PARD3B: variants seen among roughly 807,000 people sequenced by gnomAD.
PARD3B encodes the protein par-3 family cell polarity regulator beta, also known as partitioning defective 3 homolog B.
In PARD3B, 103 loss-of-function variants were observed where a neutral mutation model predicts 130.2. That is an observed-to-expected ratio of 0.79 (90% CI 0.67 to 0.93). The LOEUF is 0.93. Among genes scored for constraint, PARD3B ranks in the 40% least tolerant of loss-of-function variants. The pLI is 0.00. For synonymous variants in PARD3B, 583 were observed against 553.2 expected (o/e 1.05, Z -0.76); for missense variants, 1,609 against 1,499.2 (o/e 1.07, Z -1.21).
At chr2:204,700,871 A>G (rs545215795) in intron 2 of PARD3B, among the ~76,000 whole-genome samples, 1 of 152,170 alleles carries the variant, frequency 6.6e-6, no homozygotes, top group South Asian at 2.1e-4. Flanking sequence ...TAAACTGTTA[A>G]CTGTTAAACC....
chr2:205,061,452 G>T (rs993061283), intron 4 of PARD3B, among the ~76,000 whole-genome samples: 16 of 152,164 alleles, frequency 1.1e-4, no homozygotes, highest in African/African-American at 3.9e-4. Flanking sequence ...ATAAAGTAAT[G>T]ATAATAAAAG....
rs2044626855 is a variant in PARD3B, at chr2:205,366,805, A to AAG, written c.2631-34208_2631-34207insAG. 6.6e-6 allele frequency among the ~76,000 whole-genome samples: 1 copy of AAG among 152,230 alleles called. No homozygotes were observed. The highest frequency in any genetic ancestry group is 1.5e-5 in the Non-Finnish European group (1 of 68,034). On this transcript the variant is annotated intron_variant, in intron 18 of 22. Transcript: ENST00000406610. The surrounding 1 kb of genome is among the most constrained non-coding windows in gnomAD (Gnocchi z 5.0). ...CCTGGGGGCATTTTAGGTGGCCTCC[A>AAG]GGCCATGTGCCTTCCCACTAATAAC...
At chr2:205,284,148 G>C (rs767978417) in intron 16 of PARD3B, among the ~76,000 whole-genome samples, 4 of 152,072 alleles carry the variant, frequency 2.6e-5, no homozygotes, top group Non-Finnish European at 4.4e-5. Flanking sequence ...GCGAACAAAG[G>C]GGAAAAAAAT....
chr2:204,894,593 C>A (rs1184798679), intron 2 of PARD3B, among the ~76,000 whole-genome samples: 1 of 151,844 alleles, frequency 6.6e-6, no homozygotes, highest in East Asian at 1.9e-4. Flanking sequence ...TTGCAAATTT[C>A]TAGTAAGTTA....
At chr2:205,294,440 C>A (rs1371712348) in intron 16 of PARD3B, among the ~76,000 whole-genome samples, 1 of 151,998 alleles carries the variant, frequency 6.6e-6, no homozygotes, top group Non-Finnish European at 1.5e-5. Flanking sequence ...GAAACCTAAA[C>A]AAGACATAAA....
rs74455231 is a variant in PARD3B, at chr2:205,404,782, G to A, written c.2741+3659G>A. Among the ~76,000 whole-genome samples the A allele has an allele frequency of 6.6e-3, 1,011 of 152,216 alleles. 10 individuals carry two copies. The highest frequency in any genetic ancestry group is 0.024 in the African/African-American group (985 of 41,520). On this transcript the variant is annotated intron_variant, in intron 19 of 22. Transcript: ENST00000406610. The stretch of plus-strand genomic sequence containing the variant: ...CTCCTGCCTCAGCCTCCCAAGTGCT[G>A]GGTTTACAGGCAGGAGCCACCATGC...
intron 2 of PARD3B, among the ~76,000 whole-genome samples, chr2:204,957,879 C>T (rs896665503): frequency 5.3e-5 from 8 of 152,004 alleles, no homozygotes; most frequent in South Asian, 2.1e-4. Flanking sequence ...TTGAGACAAA[C>T]GATTCCAATT....
intron 4 of PARD3B, among the ~76,000 whole-genome samples, chr2:205,084,797 C>CTA (rs1205688848): frequency 6.6e-6 from 1 of 151,732 alleles, no homozygotes; most frequent in Non-Finnish European, 1.5e-5. Context: ...TCTTTAGTGT[C>CTA]TATTCAGGTT....
At chr2:204,855,058 A>G (rs1474709789) in intron 2 of PARD3B, among the ~76,000 whole-genome samples, 3 of 152,106 alleles carry the variant, frequency 2.0e-5, no homozygotes, top group Non-Finnish European at 2.9e-5. Context: ...ACATTTACAT[A>G]GCGTGCAAGG....
At chr2:205,098,325 T>C (rs1702529055) in intron 4 of PARD3B, among the ~76,000 whole-genome samples, 1 of 152,174 alleles carries the variant, frequency 6.6e-6, no homozygotes, top group Admixed American at 6.6e-5. Context: ...TTAAATTTTA[T>C]GGGCAAGTGG....
chr2:205,385,592 T>C (rs181357884), intron 18 of PARD3B, among the ~76,000 whole-genome samples: 2 of 152,248 alleles, frequency 1.3e-5, no homozygotes, highest in African/African-American at 4.8e-5. Context: ...ATCTACCAAG[T>C]GCTACCCAAT....
chr2:204,628,556 G>T (rs1375157737), intron 1 of PARD3B, among the ~76,000 whole-genome samples: 2 of 152,046 alleles, frequency 1.3e-5, no homozygotes, highest in Non-Finnish European at 2.9e-5. Context: ...TGATCAGTTA[G>T]CAATGACACA....
rs549238338 is a variant in PARD3B at position 205,357,978 on chromosome 2, G to A, written c.2631-43035G>A. Reference sequence around the variant, plus strand: ...CCTGGCTGAACCACAGAATCACCTGGTGAACTGTTGAAAGAGATTCTGACA... The same window carrying A: ...CCTGGCTGAACCACAGAATCACCTGATGAACTGTTGAAAGAGATTCTGACA... On this transcript the variant is annotated intron_variant, in intron 18 of 22. Coordinates refer to ENST00000406610, the MANE Select transcript of PARD3B (RefSeq NM_001302769.2). Among the ~76,000 whole-genome samples the A allele has an allele frequency of 4.8e-4, 73 of 152,298 alleles. 2 individuals are homozygous for A. Among genetic ancestry groups the A allele is most frequent in the African/African-American group, 1.7e-3 (69 of 41,562 alleles).
chr2:205,053,489 A>G (rs1699377223), intron 4 of PARD3B, among the ~76,000 whole-genome samples: 1 of 151,854 alleles, frequency 6.6e-6, no homozygotes, highest in South Asian at 2.1e-4. Flanking sequence ...ATACAAAAAA[A>G]ATTATCCAGG....
chr2:205,605,880 C>G (rs1196980968), intron 22 of PARD3B, among the ~76,000 whole-genome samples: 1 of 152,202 alleles, frequency 6.6e-6, no homozygotes, highest in African/African-American at 2.4e-5. Context: ...GAGATCACAG[C>G]CGCCCCTCCT....
intron 2 of PARD3B, among the ~76,000 whole-genome samples, chr2:204,915,111 C>G (rs2125735073): frequency 6.6e-6 from 1 of 152,244 alleles, no homozygotes; most frequent in Admixed American, 6.5e-5. Context: ...AGAGGATGGT[C>G]TGGGGAAACA....
At chr2:204,759,769 T>G (rs879802063) in intron 2 of PARD3B, among the ~76,000 whole-genome samples, 1 of 152,138 alleles carries the variant, frequency 6.6e-6, no homozygotes, top group African/African-American at 2.4e-5. Context: ...CACAACTGTT[T>G]ATGTGATTAT....
intron 16 of PARD3B, among the ~76,000 whole-genome samples, chr2:205,257,856 G>A (rs2040154274): frequency 6.6e-6 from 1 of 152,030 alleles, no homozygotes; most frequent in Admixed American, 6.6e-5. Flanking sequence ...AAAGTTCAGG[G>A]AATCTTAGTT....
intron 21 of PARD3B, among the ~76,000 whole-genome samples, chr2:205,533,515 A>G (rs2051695459): frequency 6.6e-6 from 1 of 152,174 alleles, no homozygotes; most frequent in African/African-American, 2.4e-5. Context: ...ATTACACTTG[A>G]GGCAAAGTAT....
Sources: allele counts gnomAD v4.1 joint callset (sites outside exome capture counted in the v4.1 genomes callset), GRCh38; gene constraint gnomAD v4.1.1; non-coding constraint Gnocchi (gnomAD v3.1); transcripts MANE v1.5; gene names NCBI Gene and HGNC (gene_info 2026-07-23, HGNC 2026-07-21).